The following AHRR variants were observed in gnomAD, a reference collection of about 807,000 sequenced individuals.
AHRR encodes ahR repressor.
AHRR carries 28 observed loss-of-function variants against 44.0 expected under a neutral mutation model. The observed-to-expected ratio is 0.64, with a 90% confidence interval of 0.47 to 0.87. The LOEUF (loss-of-function observed/expected upper bound fraction) is 0.87. Among genes scored for constraint, AHRR ranks in the 40% least tolerant of loss-of-function variants. The pLI is 0.00. For synonymous variants in AHRR, 434 were observed against 407.0 expected, an observed-to-expected ratio of 1.07 and a Z score of -0.80; for missense variants, 990 against 953.9, an observed-to-expected ratio of 1.04 and a Z score of -0.50.
At chr5:398,324 C>T (rs565251660) in intron 4 of AHRR, among the ~76,000 whole-genome samples, 1 of 152,248 alleles carries the variant, frequency 6.6e-6, no homozygotes. Context: ...TTAGCCCCGA[C>T]ATTCCGCGTT....
At position 338,678 on chromosome 5, in the gene AHRR, C is replaced by T. The variant is rs149272541; in HGVS notation, c.-10-5215C>T. Among the ~76,000 whole-genome samples the T allele has an allele frequency of 2.2e-3, 332 of 152,226 alleles. No homozygotes were observed. The highest frequency in any genetic ancestry group is 3.3e-3 in the Non-Finnish European group (227 of 68,010). ...GCAACATGATGAAACCCCATCTCTACAAAAAATACAAAAATAAATATTATT... is the reference window on the plus strand; with the variant it reads ...GCAACATGATGAAACCCCATCTCTATAAAAAATACAAAAATAAATATTATT... On this transcript the variant is annotated intron_variant, in intron 1 of 10. Transcript: ENST00000684583. This position sits in a 1 kb window ranked among gnomAD's most constrained non-coding sequence, Gnocchi z 4.1.
At position 338,672 on chromosome 5, in the gene AHRR, T is replaced by C. The variant is rs1742226096; in HGVS notation, c.-10-5221T>C. 6.6e-6 allele frequency among the ~76,000 whole-genome samples: 1 copy of C among 152,126 alleles called. No individual in the cohort carries two copies. The highest frequency in any genetic ancestry group is 2.4e-5 in the African/African-American group (1 of 41,432). On this transcript the variant is annotated intron_variant, in intron 1 of 10. Transcript: ENST00000684583. This position sits in a 1 kb window ranked among gnomAD's most constrained non-coding sequence, Gnocchi z 4.1. ...GACTGGGCAACATGATGAAACCCCA[T>C]CTCTACAAAAAATACAAAAATAAAT...
In AHRR at chr5:388,949, C is replaced by A. The variant is rs2126465207; in HGVS notation, c.351+12233C>A. ...AGAGAAGATGGAGCCGAGTGAGGAC[C>A]CAAGAGCAAAGGGCCCCAAGCAGTT... On this transcript the variant is annotated intron_variant, in intron 4 of 10. Transcript: ENST00000684583. This position sits in a 1 kb window ranked among gnomAD's most constrained non-coding sequence, Gnocchi z 5.2. Among the ~76,000 whole-genome samples, 1 of 152,254 alleles carries A rather than the reference C, an allele frequency of 6.6e-6. No individual in the cohort carries two copies. The highest frequency in any genetic ancestry group is 3.4e-3 in the Middle Eastern group (1 of 294).
intron 3 of AHRR, among the ~76,000 whole-genome samples, chr5:375,775 G>A (rs918219097): frequency 6.6e-6 from 1 of 152,198 alleles, no homozygotes; most frequent in East Asian, 1.9e-4. Context: ...CTGGGGAGGG[G>A]TGTCCCTCCC....
intron 7 of AHRR, among the ~76,000 whole-genome samples, chr5:424,378 A>G (rs1240418496): frequency 1.0e-5 from 1 of 96,378 alleles, no homozygotes; most frequent in Admixed American, 1.2e-4. Context: ...GTGTTAACCC[A>G]TGTGTCCCTG....
chr5:360,299 G>C (rs1743132401), intron 3 of AHRR, among the ~76,000 whole-genome samples: 2 of 152,250 alleles, frequency 1.3e-5, no homozygotes, highest in Admixed American at 6.5e-5. Context: ...AGCCAAATCA[G>C]CTGCACCCTG....
In AHRR at chr5:437,174, A is replaced by C. The variant is rs1196971760; in HGVS notation, c.*2340A>C. On this transcript the variant is annotated 3_prime_UTR_variant, in exon 11 of 11. Coordinates refer to ENST00000684583, the MANE Select transcript of AHRR (RefSeq NM_001377236.1). ...GACCAGCCTGGGCAACACAGGAAGA[A>C]TGTGTCTCTACAAAAAATAATTAAA... The C allele has an allele frequency of 2.0e-5, 3 of 152,362 alleles. No individual in the cohort carries two copies. The highest frequency in any genetic ancestry group is 2.0e-4 in the Admixed American group (3 of 15,270). The allele number at this position is 152,362 out of a possible 1,614,324, so 9.4% of individuals were successfully genotyped here.
chr5:427,001 T>G (rs960743333), intron 7 of AHRR, among the ~76,000 whole-genome samples: 1 of 139,836 alleles, frequency 7.2e-6, no homozygotes, highest in Admixed American at 7.5e-5. Context: ...GATGTGAAGA[T>G]GGATGGGTGG....
chr5:374,863 C>A (rs959741847), intron 3 of AHRR, among the ~76,000 whole-genome samples: 1 of 152,244 alleles, frequency 6.6e-6, no homozygotes, highest in African/African-American at 2.4e-5. Context: ...GTCCAGCAGC[C>A]GGTTCCGGGG....
At chr5:366,490 AAG>A (rs1454068262) in intron 3 of AHRR, among the ~76,000 whole-genome samples, 2 of 152,196 alleles carry the variant, frequency 1.3e-5, no homozygotes, top group Non-Finnish European at 2.9e-5. Context: ...TGGCTATAAG[AAG>A]AGAGATGACT....
chr5:430,039 G>A (rs535338946), intron 8 of AHRR, among the ~76,000 whole-genome samples: 5 of 152,324 alleles, frequency 3.3e-5, no homozygotes, highest in East Asian at 1.9e-4. Context: ...TGTGCAGACC[G>A]GAGCAGACGT....
intron 4 of AHRR, chr5:403,686 T>TTG (rs1560910399): frequency 1.3e-6 from 1 of 776,954 alleles, no homozygotes; most frequent in Non-Finnish European, 2.0e-6. Context: ...AATGGTATTT[T>TTG]TTTTTTTTTA....
At chr5:397,352 A>C (rs1356154397) in intron 4 of AHRR, among the ~76,000 whole-genome samples, 41 of 112,744 alleles carry the variant, frequency 3.6e-4, no homozygotes, top group African/African-American at 9.3e-4. Context: ...CTGACCATCC[A>C]TGTTAGCCCC....
rs1396300300 is a variant in AHRR at position 343,880 on chromosome 5, C to T, written c.-10-13C>T. The stretch of plus-strand genomic sequence containing the variant: ...GGCGCGTTCCGGTGACCGGGTGCCC[C>T]CTTGTCTTCCAGGCCGAGGACGATG... On this transcript the variant is annotated splice_polypyrimidine_tract_variant and intron_variant, in intron 1 of 10. Transcript: ENST00000684583. 6.3e-7 allele frequency: 1 copy of T among 1,594,946 alleles called. No homozygotes were observed.
chr5:415,730 G>A (rs1200552332), intron 5 of AHRR, among the ~76,000 whole-genome samples: 2 of 152,112 alleles, frequency 1.3e-5, no homozygotes, highest in African/African-American at 2.4e-5. Context: ...AGGCCTAGGG[G>A]CTGTGCAGAG....
intron 4 of AHRR, among the ~76,000 whole-genome samples, chr5:410,870 T>C (rs914800718): frequency 9.9e-5 from 15 of 152,234 alleles, no homozygotes; most frequent in African/African-American, 3.6e-4. Flanking sequence ...TCACTTTTGT[T>C]AATTTGCATA....
chr5:372,266 G>C (rs1327569030), intron 3 of AHRR, among the ~76,000 whole-genome samples: 1 of 151,958 alleles, frequency 6.6e-6, no homozygotes, highest in Non-Finnish European at 1.5e-5. Flanking sequence ...AGAGGGGACT[G>C]TGGAGCTGTG....
At chr5:368,110 T>A in intron 3 of AHRR, 1 of 595,858 alleles carries the variant, frequency 1.7e-6, no homozygotes, top group Non-Finnish European at 3.0e-6. Flanking sequence ...TATAAACAAA[T>A]GGAGACTCTG....
intron 4 of AHRR, among the ~76,000 whole-genome samples, chr5:391,371 C>CACGGACACAGGGCG (rs1455390520): frequency 9.2e-6 from 1 of 109,252 alleles, no homozygotes; most frequent in African/African-American, 5.4e-5. Flanking sequence ...CCAGAGCGTG[C>CACGGACACAGGGCG]ATGGGCGCAG....
Sources: allele counts gnomAD v4.1 joint callset (sites outside exome capture counted in the v4.1 genomes callset), GRCh38; gene constraint gnomAD v4.1.1; non-coding constraint Gnocchi (gnomAD v3.1); transcripts MANE v1.5; gene names NCBI Gene and HGNC (gene_info 2026-07-23, HGNC 2026-07-21).